Variants in MYO5A observed in about 807,000 individuals in gnomAD.
MYO5A encodes the protein unconventional myosin-Va.
MYO5A carries 98 observed loss-of-function variants against 249.7 expected under a neutral mutation model. The ratio of observed to expected loss-of-function variants is 0.39; its 90% CI spans 0.33 to 0.46. The LOEUF (loss-of-function observed/expected upper bound fraction) is 0.46, where lower values mean the gene tolerates loss of function less well. Among genes scored for constraint, MYO5A ranks in the 20% least tolerant of loss-of-function variants. The pLI is 0.98. For synonymous variants in MYO5A, 778 were observed against 810.6 expected, an observed-to-expected ratio of 0.96 and a Z score of 0.68; for missense variants, 1,696 against 2,308.8, an observed-to-expected ratio of 0.73 and a Z score of 5.44.
intron 1 of MYO5A, among the ~76,000 whole-genome samples, chr15:52,512,658 T>G (rs2077415887): frequency 6.6e-6 from 1 of 152,220 alleles, no homozygotes. Context: ...TTTATTATTT[T>G]TATACCTTTT....
chr15:52,444,232 C>A (rs887734590), intron 1 of MYO5A, among the ~76,000 whole-genome samples: 1 of 152,134 alleles, frequency 6.6e-6, no homozygotes, highest in African/African-American at 2.4e-5. Flanking sequence ...GATCTCACTT[C>A]TTAAGAACAG....
At chr15:52,364,488 A>G (rs1211797323) in intron 24 of MYO5A, 66 bp downstream of exon 24, 17 of 1,456,730 alleles carry the variant, frequency 1.2e-5, no homozygotes, top group Non-Finnish European at 1.5e-5. Flanking sequence ...TCATTCTACT[A>G]TTCTATTTAC....
At chr15:52,481,345 C>T (rs527490368) in intron 1 of MYO5A, among the ~76,000 whole-genome samples, 1 of 152,190 alleles carries the variant, frequency 6.6e-6, no homozygotes, top group Non-Finnish European at 1.5e-5. Context: ...ACTTTATACC[C>T]TAACTAATTC....
Position 52,467,556 on chromosome 15 carries a change from T to C in MYO5A, c.28-34271A>G, listed in dbSNP as rs551868049. Reference sequence around the variant, plus strand: ...GGCAACCAAGCTTACGAATTATTGGTATTCTCAAGGAGGAAGAAAATGCAA... The same window carrying C: ...GGCAACCAAGCTTACGAATTATTGGCATTCTCAAGGAGGAAGAAAATGCAA... On this transcript the variant is annotated intron_variant, in intron 1 of 41. Coordinates refer to ENST00000399233, the MANE Select transcript of MYO5A (RefSeq NM_001382347.1). Among the ~76,000 whole-genome samples, 5 of 152,318 alleles carry C rather than the reference T, an allele frequency of 3.3e-5. No homozygotes were observed. The East Asian group carries it at 9.6e-4, about 29-fold the overall frequency.
At chr15:52,452,542 G>C (rs996221969) in intron 1 of MYO5A, among the ~76,000 whole-genome samples, 2 of 152,178 alleles carry the variant, frequency 1.3e-5, no homozygotes, top group African/African-American at 4.8e-5. Context: ...CTTAAACTCA[G>C]AGGAGACTCC....
chr15:52,376,997 T>C (rs537649831), intron 18 of MYO5A, among the ~76,000 whole-genome samples: 2 of 152,190 alleles, frequency 1.3e-5, no homozygotes. Flanking sequence ...GAAACGTTTA[T>C]GAAATAAAAT....
At chr15:52,520,845 T>G (rs1478747345) in intron 1 of MYO5A, among the ~76,000 whole-genome samples, 2 of 152,216 alleles carry the variant, frequency 1.3e-5, no homozygotes, top group African/African-American at 4.8e-5. Context: ...TCATTTAAAA[T>G]GGCATATATT....
At chr15:52,512,142 G>A (rs979045197) in intron 1 of MYO5A, among the ~76,000 whole-genome samples, 10 of 138,500 alleles carry the variant, frequency 7.2e-5, no homozygotes, top group Non-Finnish European at 1.5e-4. Context: ...CAGCCTAGGC[G>A]ACAGAGCAAG....
chr15:52,479,195 C>G (rs2076663508), intron 1 of MYO5A, among the ~76,000 whole-genome samples: 1 of 151,938 alleles, frequency 6.6e-6, no homozygotes. Flanking sequence ...CCAGGCTGGT[C>G]TCGAATGCCT....
At chr15:52,467,604 G>A (rs902484905) in intron 1 of MYO5A, among the ~76,000 whole-genome samples, 5 of 152,086 alleles carry the variant, frequency 3.3e-5, no homozygotes, top group Non-Finnish European at 7.4e-5. Context: ...ACCTATTTAA[G>A]GAAATAATTG....
At chr15:52,417,848 ACTT>A (rs1475400918) in intron 4 of MYO5A, among the ~76,000 whole-genome samples, 2 of 152,134 alleles carry the variant, frequency 1.3e-5, no homozygotes, top group African/African-American at 4.8e-5. Context: ...AGTCAAATAA[ACTT>A]CTGCTCTTTA....
intron 1 of MYO5A, chr15:52,435,695 G>A: frequency 2.2e-6 from 1 of 454,728 alleles, no homozygotes; most frequent in Non-Finnish European, 4.4e-6. Flanking sequence ...TTTACTTAAA[G>A]TTTGGGGACT....
chr15:52,357,127 A>G (rs542470879), intron 25 of MYO5A, among the ~76,000 whole-genome samples: 2 of 152,260 alleles, frequency 1.3e-5, no homozygotes, highest in African/African-American at 4.8e-5. Flanking sequence ...AATTTCATTC[A>G]TATAAAAATT....
Position 52,448,957 on chromosome 15 carries a change from C to CTTTTTTT in MYO5A, c.28-15679_28-15673dup, listed in dbSNP as rs145765339. Among the ~76,000 whole-genome samples the CTTTTTTT allele has an allele frequency of 2.4e-3, 133 of 55,598 alleles. 2 individuals carry two copies. The highest frequency in any genetic ancestry group is 4.2e-3 in the African/African-American group (50 of 11,800). 36.5% of individuals were successfully genotyped at this position (55,598 alleles called of 152,430 possible). ...TTTTTTTTTTTCTTTTCTTGTCTTTCTTTTTTTTTTTTTTTTTTTTTTTTT... is the reference window on the plus strand; with the variant it reads ...TTTTTTTTTTTCTTTTCTTGTCTTTCTTTTTTTTTTTTTTTTTTTTTTTTTTTTTTTT... On this transcript the variant is annotated intron_variant, in intron 1 of 41. Transcript: ENST00000399233.
chr15:52,357,402 A>G (rs2040286282), intron 25 of MYO5A, among the ~76,000 whole-genome samples: 2 of 151,754 alleles, frequency 1.3e-5, no homozygotes, highest in Admixed American at 6.6e-5. Flanking sequence ...TTTTTGTTTA[A>G]AAGGAATCCT....
intron 6 of MYO5A, among the ~76,000 whole-genome samples, chr15:52,409,942 A>G (rs1298497023): frequency 6.6e-6 from 1 of 152,186 alleles, no homozygotes; most frequent in Non-Finnish European, 1.5e-5. Flanking sequence ...AGAGGAGAAG[A>G]AGGAAGGAAA....
At chr15:52,389,494 A>G in intron 12 of MYO5A, 131 bp from the exon 13 acceptor site, 2 of 849,458 alleles carry the variant, frequency 2.4e-6, no homozygotes, top group South Asian at 1.7e-5. Context: ...TCAATTTAGG[A>G]GTTCATTCCT....
intron 9 of MYO5A, 87 bp downstream of exon 9, chr15:52,405,200 G>T: frequency 3.2e-6 from 3 of 926,176 alleles, no homozygotes; most frequent in South Asian, 1.4e-5. Flanking sequence ...TTGATAGAGA[G>T]ACTTAAACTA....
rs552056077 is a variant in MYO5A at position 52,313,398 on chromosome 15, G to C, written c.*298C>G. 6 of 393,356 alleles carry C rather than the reference G, an allele frequency of 1.5e-5. No individual in the cohort carries two copies. Among genetic ancestry groups the C allele is most frequent in the African/African-American group, 1.2e-4 (6 of 48,824 alleles). The allele number at this position is 393,356 out of a possible 1,614,324, so 24.4% of individuals were successfully genotyped here. A position where few individuals can be genotyped will look rare whatever the true frequency, so the allele number is the denominator to read the frequency against. Reference sequence around the variant, plus strand: ...TTTAAAATAAATGCTGCCAGCTGAAGACACATTTTTCTCCTCCTTTCCTTC... The same window carrying C: ...TTTAAAATAAATGCTGCCAGCTGAACACACATTTTTCTCCTCCTTTCCTTC... On this transcript the variant is annotated 3_prime_UTR_variant, in exon 42 of 42. Transcript: ENST00000399233.
Sources: gnomAD v4.1 joint callset for allele counts (sites outside exome capture counted in the v4.1 genomes callset) on GRCh38, gnomAD v4.1.1 for gene constraint, MANE v1.5 for transcripts, NCBI Gene and HGNC (gene_info 2026-07-23, HGNC 2026-07-21) for gene names.